The following CPEB3 variants were observed in gnomAD, a reference collection of about 807,000 sequenced individuals.
CPEB3 encodes cytoplasmic polyadenylation element binding protein 3.
Under a neutral mutation model 67.2 loss-of-function variants are expected in CPEB3, and 20 were observed. The observed-to-expected ratio is 0.30, with a 90% CI of 0.21 to 0.43. The LOEUF is 0.43. CPEB3 is among the 20% of genes least tolerant of loss of function. CPEB3 has a pLI of 1.00. For synonymous variants in CPEB3, 376 were observed against 393.1 expected (o/e 0.96, Z 0.51); for missense variants, 746 against 968.6 (o/e 0.77, Z 3.05).
intron 6 of CPEB3, among the ~76,000 whole-genome samples, chr10:92,123,010 G>A (rs886475012): frequency 5.9e-5 from 9 of 152,174 alleles, no homozygotes; most frequent in African/African-American, 2.2e-4. Context: ...TGTTTTCTAC[G>A]ACACTACCAA....
chr10:92,109,890 C>CAAGA (rs1844650301), intron 7 of CPEB3, among the ~76,000 whole-genome samples: 1 of 152,174 alleles, frequency 6.6e-6, no homozygotes, highest in Admixed American at 6.5e-5. Flanking sequence ...TGCCATATAG[C>CAAGA]TGAGTTCTAA....
chr10:92,251,881 C>T (rs1202032123), intron 1 of CPEB3, among the ~76,000 whole-genome samples: 2 of 150,524 alleles, frequency 1.3e-5, no homozygotes, highest in Non-Finnish European at 2.9e-5. Context: ...GGAGAGGTTG[C>T]AGTGAGCCGA....
At chr10:92,280,840 A>AC (rs1474504931) in intron 1 of CPEB3, among the ~76,000 whole-genome samples, 1 of 141,840 alleles carries the variant, frequency 7.1e-6, no homozygotes, top group Non-Finnish European at 1.5e-5. Context: ...GCTCACTGTA[A>AC]CCCCCGCCTC....
intron 2 of CPEB3, among the ~76,000 whole-genome samples, chr10:92,212,069 C>G (rs889671659): frequency 6.6e-6 from 1 of 150,800 alleles, no homozygotes; most frequent in Admixed American, 6.6e-5. Context: ...TTAGTAGAGA[C>G]GGGGTTTCAC....
At chr10:92,121,010 CT>C (rs147369266) in intron 6 of CPEB3, among the ~76,000 whole-genome samples, 6 of 148,576 alleles carry the variant, frequency 4.0e-5, no homozygotes, top group African/African-American at 5.0e-5. Context: ...CTACAACTTA[CT>C]TTTTTTTTTC....
At chr10:92,099,688 TAC>T (rs1844076474) in intron 7 of CPEB3, among the ~76,000 whole-genome samples, 1 of 114,372 alleles carries the variant, frequency 8.7e-6, no homozygotes, top group Non-Finnish European at 1.8e-5. Flanking sequence ...ACCCCATTTC[TAC>T]TAAAAAAAAA....
chr10:92,062,366 AAAAC>A (rs1185231172), intron 9 of CPEB3, among the ~76,000 whole-genome samples: 3 of 152,178 alleles, frequency 2.0e-5, no homozygotes, highest in South Asian at 2.1e-4. Context: ...TAAGGAACCA[AAAAC>A]AAACAAACAA....
At chr10:92,233,354 C>T (rs532435041) in intron 2 of CPEB3, among the ~76,000 whole-genome samples, 3 of 151,944 alleles carry the variant, frequency 2.0e-5, no homozygotes, top group African/African-American at 4.8e-5. Context: ...CATGGTGAAA[C>T]CCCGTCACCC....
intron 4 of CPEB3, among the ~76,000 whole-genome samples, chr10:92,170,813 T>A (rs183510715): frequency 3.9e-5 from 6 of 152,306 alleles, no homozygotes; most frequent in Admixed American, 3.9e-4. Context: ...CTGAAATTGC[T>A]TACTACAGTG....
At chr10:92,216,145 T>C (rs79062050) in intron 2 of CPEB3, among the ~76,000 whole-genome samples, 16,056 of 150,466 alleles carry the variant, frequency 0.11, 2,854 homozygotes, top group African/African-American at 0.37. Context: ...TAAATATATA[T>C]ATATTTTGAT....
At chr10:92,100,842 C>T (rs1455946896) in intron 7 of CPEB3, among the ~76,000 whole-genome samples, 35 of 152,278 alleles carry the variant, frequency 2.3e-4, no homozygotes, top group South Asian at 8.3e-4. Context: ...CCACCCGCCT[C>T]GGCTTCCCAA....
At chr10:92,096,264 T>C (rs978382221) in intron 7 of CPEB3, among the ~76,000 whole-genome samples, 4 of 152,158 alleles carry the variant, frequency 2.6e-5, no homozygotes, top group Non-Finnish European at 4.4e-5. Context: ...ATTTACATTG[T>C]ATTAGGTATT....
In CPEB3 at chr10:92,239,643, C is replaced by A. The variant is rs1360838493; in HGVS notation, c.708G>T (p.Ser236=). The part of the protein sequence containing the change: ...VAAAAAAAAA[S]SASSSWNTHQ... ...GCGTGTTCCAGCTGGACGAGGCCGA[C>A]GAGGCGGCGGCTGCGGCAGCAGCGG... The change falls in exon 2 of 10, where the codon TCG becomes TCT. Residue 236 remains serine (S), a synonymous_variant. Transcript: ENST00000265997. The surrounding 1 kb of genome is among the most constrained non-coding windows in gnomAD (Gnocchi z 6.0). The A allele has an allele frequency of 6.4e-7, 1 of 1,560,620 alleles. No individual in the cohort carries two copies. The highest frequency in any genetic ancestry group is 8.7e-7 in the Non-Finnish European group (1 of 1,153,228).
chr10:92,191,086 A>G (rs1239315687), intron 3 of CPEB3, among the ~76,000 whole-genome samples: 1 of 152,164 alleles, frequency 6.6e-6, no homozygotes, highest in Non-Finnish European at 1.5e-5. Context: ...CACTTTTTAA[A>G]GTCAAAAACT....
At chr10:92,207,289 T>C (rs1007755376) in intron 2 of CPEB3, among the ~76,000 whole-genome samples, 2 of 152,140 alleles carry the variant, frequency 1.3e-5, no homozygotes, top group African/African-American at 2.4e-5. Context: ...AGCCCATTTT[T>C]CTTTCATGTA....
chr10:92,193,829 C>T (rs1160866345), intron 2 of CPEB3, among the ~76,000 whole-genome samples: 1 of 150,294 alleles, frequency 6.7e-6, no homozygotes, highest in Non-Finnish European at 1.5e-5. Context: ...CAGAGTCTGG[C>T]TCTGTTGCCC....
At chr10:92,250,405 T>A (rs949970803) in intron 1 of CPEB3, among the ~76,000 whole-genome samples, 4 of 151,930 alleles carry the variant, frequency 2.6e-5, no homozygotes, top group African/African-American at 7.2e-5. Flanking sequence ...AAAAAAAAAA[T>A]TTAAAAGTTT....
intron 2 of CPEB3, among the ~76,000 whole-genome samples, chr10:92,202,948 T>G (rs1264933494): frequency 6.9e-6 from 1 of 144,778 alleles, no homozygotes; most frequent in Non-Finnish European, 1.5e-5. Context: ...ATTTTTAAGC[T>G]TTTTTTTTTT....
At chr10:92,268,552 T>TC (rs1853163333) in intron 1 of CPEB3, among the ~76,000 whole-genome samples, 1 of 152,170 alleles carries the variant, frequency 6.6e-6, no homozygotes, top group Non-Finnish European at 1.5e-5. Flanking sequence ...CTGAGAAACT[T>TC]CCAACTTCCC....
Sources: gnomAD v4.1 joint callset for allele counts (sites outside exome capture counted in the v4.1 genomes callset) on GRCh38, gnomAD v4.1.1 for gene constraint, Gnocchi (gnomAD v3.1) non-coding constraint, MANE v1.5 for transcripts, NCBI Gene and HGNC (gene_info 2026-07-23, HGNC 2026-07-21) for gene names.